The following OPCML variants were observed in gnomAD, a reference collection of about 807,000 sequenced individuals.
OPCML encodes opioid binding protein/cell adhesion molecule like.
In OPCML, 13 loss-of-function variants were observed where a neutral mutation model predicts 37.8. The ratio of observed to expected loss-of-function variants is 0.34; its 90% CI spans 0.22 to 0.55. The LOEUF is 0.55. Ranked by LOEUF, OPCML falls within the 20% of genes least tolerant of loss-of-function variation. The probability of loss-of-function intolerance (pLI) is 0.91; values close to 1 mark genes in which losing one functional copy is unlikely to be tolerated. For missense variants in OPCML, 341 were observed against 435.6 expected (o/e 0.78, Z 1.93); for synonymous variants, 176 against 168.8 (o/e 1.04, Z -0.33).
chr11:133,375,345 T>G (rs1350717970), intron 1 of OPCML, among the ~76,000 whole-genome samples: 1 of 152,242 alleles, frequency 6.6e-6, no homozygotes, highest in Admixed American at 6.5e-5. Flanking sequence ...CATCTTTGCT[T>G]TCTCCACCAT....
At chr11:133,298,654 T>G (rs1942696529) in intron 1 of OPCML, 1 of 152,162 alleles carries the variant, frequency 6.6e-6, no homozygotes, top group Non-Finnish European at 1.5e-5. Flanking sequence ...AAACATTTTT[T>G]GATCATGTTT....
At position 133,203,677 on chromosome 11, in the gene OPCML, G is replaced by T. The variant is rs543603766; in HGVS notation, c.62-260667C>A. 4.3e-4 allele frequency among the ~76,000 whole-genome samples: 66 copies of T among 152,314 alleles called. 1 individual carries two copies. The South Asian group carries it at 6.2e-3, about 14-fold the overall frequency. The stretch of plus-strand genomic sequence containing the variant: ...AAATTTTGGATTGGTGAAGTCCATG[G>T]TAATGAGGTATACCTGTATCTAGCT... On this transcript the variant is annotated intron_variant, in intron 1 of 7. Transcript: ENST00000524381.
At chr11:132,430,545 C>G (rs2095993198) in intron 7 of OPCML, among the ~76,000 whole-genome samples, 1 of 152,206 alleles carries the variant, frequency 6.6e-6, no homozygotes, top group South Asian at 2.1e-4. Flanking sequence ...GGAGTCACAG[C>G]TGCTCCAAGA....
At chr11:132,530,564 T>C (rs2096321953) in intron 3 of OPCML, among the ~76,000 whole-genome samples, 1 of 152,142 alleles carries the variant, frequency 6.6e-6, no homozygotes, top group Non-Finnish European at 1.5e-5. Context: ...GCCTACCATG[T>C]TTGACAAACA....
intron 1 of OPCML, among the ~76,000 whole-genome samples, chr11:133,080,643 A>G (rs1288551817): frequency 1.3e-5 from 2 of 152,098 alleles, no homozygotes; most frequent in African/African-American, 4.8e-5. Context: ...CAAATCAGCA[A>G]AACACCCAAA....
intron 4 of OPCML, among the ~76,000 whole-genome samples, chr11:132,525,547 G>T (rs2096305751): frequency 6.6e-6 from 1 of 152,122 alleles, no homozygotes; most frequent in Non-Finnish European, 1.5e-5. Context: ...AAAAAATGCT[G>T]TTTGATGTTC....
intron 2 of OPCML, among the ~76,000 whole-genome samples, chr11:132,847,150 G>A (rs530475913): frequency 4.6e-5 from 7 of 152,268 alleles, no homozygotes; most frequent in Middle Eastern, 3.4e-3. Context: ...TCATCGACCC[G>A]TGACAACTGA....
intron 1 of OPCML, among the ~76,000 whole-genome samples, chr11:133,014,117 A>G (rs1022667436): frequency 6.6e-6 from 1 of 152,196 alleles, no homozygotes; most frequent in Non-Finnish European, 1.5e-5. Flanking sequence ...ACTGGCCTTT[A>G]TCTGCCAGTT....
At chr11:133,489,854 T>TATATATATATA (rs1565663452) in intron 1 of OPCML, among the ~76,000 whole-genome samples, 21 of 100,768 alleles carry the variant, frequency 2.1e-4, no homozygotes, top group African/African-American at 8.2e-4. Context: ...ATATATATAT[T>TATATATATATA]TTTTTATACA....
At chr11:132,661,926 A>G (rs1196021426) in intron 2 of OPCML, among the ~76,000 whole-genome samples, 1 of 152,228 alleles carries the variant, frequency 6.6e-6, no homozygotes, top group Non-Finnish European at 1.5e-5. Context: ...AGCTATCTGG[A>G]AGACACTTGT....
At chr11:133,155,371 G>A (rs1448858758) in intron 1 of OPCML, among the ~76,000 whole-genome samples, 1 of 152,104 alleles carries the variant, frequency 6.6e-6, no homozygotes, top group Non-Finnish European at 1.5e-5. Flanking sequence ...GCTCTAGTTT[G>A]TAAATTTCAA....
At position 132,975,529 on chromosome 11, in the gene OPCML, C is replaced by CAAAAAAAAA. The variant is rs56882175; in HGVS notation, c.62-32528_62-32520dup. On this transcript the variant is annotated intron_variant, in intron 1 of 7. Coordinates refer to ENST00000524381, the MANE Select transcript of OPCML (RefSeq NM_001012393.5). ...CTGGATGTCCCATCCAGGTTTCAAG[C>CAAAAAAAAA]AAAAAAAAAAAAAAAAAAAAAAAAA... Among the ~76,000 whole-genome samples, 23 of 42,800 alleles carry CAAAAAAAAA rather than the reference C, an allele frequency of 5.4e-4. 3 individuals carry two copies. Among genetic ancestry groups the CAAAAAAAAA allele is most frequent in the Non-Finnish European group, 7.7e-4 (18 of 23,464 alleles). The allele number at this position is 42,800 out of a possible 152,430, so 28.1% of individuals were successfully genotyped here.
intron 2 of OPCML, among the ~76,000 whole-genome samples, chr11:132,729,841 G>A (rs192022956): frequency 5.3e-5 from 8 of 152,076 alleles, no homozygotes; most frequent in Admixed American, 5.2e-4. Context: ...ACACATGAAG[G>A]GGATGAGCAG....
intron 3 of OPCML, among the ~76,000 whole-genome samples, chr11:132,593,252 C>T (rs950904145): frequency 6.6e-6 from 1 of 152,068 alleles, no homozygotes. Flanking sequence ...ATTCCAGAAC[C>T]AGCAAGGATG....
At position 132,943,238 on chromosome 11, in the gene OPCML, C is replaced by T; in HGVS notation, c.62-228G>A. ...CAGGGGGAAGGAGAAGAGAGGAGTC[C>T]GGGCTCTCCGGAGTCTGAGAATTCT... On this transcript the variant is annotated intron_variant, in intron 1 of 7. Transcript: ENST00000524381. This position sits in a 1 kb window ranked among gnomAD's most constrained non-coding sequence, Gnocchi z 4.3. 8 of 1,199,942 alleles carry T rather than the reference C, an allele frequency of 6.7e-6. No homozygotes were observed. The highest frequency in any genetic ancestry group is 2.6e-5 in the Admixed American group (1 of 38,054). 74.3% of individuals were successfully genotyped at this position (1,199,942 alleles called of 1,614,324 possible).
At chr11:132,899,386 CT>C (rs143659777) in intron 2 of OPCML, among the ~76,000 whole-genome samples, 7,046 of 152,168 alleles carry the variant, frequency 0.046, 246 homozygotes, top group East Asian at 0.16. Flanking sequence ...GATTTTTTGA[CT>C]TTATATCAGT....
At chr11:133,506,682 G>A (rs963723592) in intron 1 of OPCML, among the ~76,000 whole-genome samples, 1 of 152,250 alleles carries the variant, frequency 6.6e-6, no homozygotes, top group Admixed American at 6.5e-5. Context: ...GATAAAATCA[G>A]TGGAAGCAGT....
chr11:133,422,426 A>G, intron 1 of OPCML: 1 of 953,934 alleles, frequency 1.0e-6, no homozygotes, highest in African/African-American at 2.4e-5. Context: ...CCCTTGCCCC[A>G]CCTCTCTATC....
intron 1 of OPCML, among the ~76,000 whole-genome samples, chr11:133,229,669 A>T (rs1361239088): frequency 6.6e-6 from 1 of 152,196 alleles, no homozygotes; most frequent in Non-Finnish European, 1.5e-5. Flanking sequence ...AAGAAAAAAA[A>T]GATGTACATA....
Sources: allele counts gnomAD v4.1 joint callset (sites outside exome capture counted in the v4.1 genomes callset), GRCh38; gene constraint gnomAD v4.1.1; non-coding constraint Gnocchi (gnomAD v3.1); transcripts MANE v1.5; gene names NCBI Gene and HGNC (gene_info 2026-07-23, HGNC 2026-07-21).